MCPH1: variants seen among roughly 807,000 people sequenced by gnomAD.
MCPH1 encodes the protein microcephalin 1.
Under a neutral mutation model 84.5 loss-of-function variants are expected in MCPH1, and 104 were observed. The ratio of observed to expected loss-of-function variants is 1.23; its 90% CI spans 1.05 to 1.45. The LOEUF is 1.45. MCPH1 is among the 40% of genes most tolerant of loss of function. The pLI is 0.00. For missense variants in MCPH1, 1,498 were observed against 1,005.7 expected (o/e 1.49, Z -6.62); for synonymous variants, 514 against 366.8 (o/e 1.40, Z -4.58).
intron 3 of MCPH1, among the ~76,000 whole-genome samples, chr8:6,421,936 G>T (rs1276498334): frequency 1.3e-5 from 2 of 152,156 alleles, no homozygotes. Context: ...CCGTCTTCCT[G>T]ATTCTAAACC....
At chr8:6,548,086 G>C (rs1822932762) in intron 12 of MCPH1, among the ~76,000 whole-genome samples, 2 of 152,102 alleles carry the variant, frequency 1.3e-5, no homozygotes, top group African/African-American at 2.4e-5. Context: ...ATCCCCCCTA[G>C]CGGAAGAACC....
At chr8:6,501,145 A>T (rs1439019283) in intron 12 of MCPH1, 1 of 152,228 alleles carries the variant, frequency 6.6e-6, no homozygotes, top group Non-Finnish European at 1.5e-5. Flanking sequence ...TAGTTGTTGG[A>T]AAAGTGCACC....
chr8:6,592,309 A>G (rs1482714037), intron 12 of MCPH1, among the ~76,000 whole-genome samples: 1 of 151,890 alleles, frequency 6.6e-6, no homozygotes, highest in Non-Finnish European at 1.5e-5. Context: ...GTGCCACCAC[A>G]CCCGGCTAAT....
chr8:6,449,998 G>A (rs1163993444), intron 8 of MCPH1, among the ~76,000 whole-genome samples: 1 of 12,482 alleles, frequency 8.0e-5, no homozygotes, highest in African/African-American at 8.5e-5. Context: ...AAGCAGAAAA[G>A]TCCTTCCTAT....
chr8:6,470,369 C>A (rs1032698657), intron 9 of MCPH1, among the ~76,000 whole-genome samples: 1 of 152,050 alleles, frequency 6.6e-6, no homozygotes, highest in Non-Finnish European at 1.5e-5. Context: ...CTGCAACTTC[C>A]GTCTCCCGGG....
intron 2 of MCPH1, 73 bp from the exon 3 acceptor site, chr8:6,414,692 G>A: frequency 1.3e-6 from 2 of 1,545,068 alleles, no homozygotes; most frequent in East Asian, 2.3e-5. Context: ...TGGGGTAGAG[G>A]TTTTTTGATC....
chr8:6,605,981 G>A (rs536033742), intron 12 of MCPH1, among the ~76,000 whole-genome samples: 100 of 152,304 alleles, frequency 6.6e-4, no homozygotes, highest in African/African-American at 2.2e-3. Flanking sequence ...ACAGGCATGA[G>A]CCACCATGCC....
chr8:6,562,384 A>C (rs1237250263), intron 12 of MCPH1, among the ~76,000 whole-genome samples: 1 of 151,998 alleles, frequency 6.6e-6, no homozygotes, highest in Non-Finnish European at 1.5e-5. Context: ...CTTGTTAATA[A>C]AGATTTCTAA....
At chr8:6,568,782 C>G (rs944041068) in intron 12 of MCPH1, among the ~76,000 whole-genome samples, 1 of 152,250 alleles carries the variant, frequency 6.6e-6, no homozygotes, top group Admixed American at 6.5e-5. Context: ...CTCAGCACGG[C>G]CTGCCCGGCT....
At chr8:6,636,632 C>G (rs549905444) in intron 13 of MCPH1, among the ~76,000 whole-genome samples, 6 of 152,134 alleles carry the variant, frequency 3.9e-5, no homozygotes, top group Non-Finnish European at 7.3e-5. Context: ...GTCATGCTGT[C>G]GCACCTGGCA....
chr8:6,518,426 C>T (rs932802403), intron 12 of MCPH1, among the ~76,000 whole-genome samples: 1 of 152,126 alleles, frequency 6.6e-6, no homozygotes, highest in African/African-American at 2.4e-5. Context: ...TGTTGTATGG[C>T]TTCTAGGGCG....
rs1420689007 is a variant in MCPH1, at chr8:6,406,694, G to C, written c.22+5G>C. 2.5e-6 allele frequency: 4 copies of C among 1,612,124 alleles called. No homozygotes were observed. Among genetic ancestry groups the C allele is most frequent in the Non-Finnish European group, 3.4e-6 (4 of 1,179,526 alleles). Reference sequence around the variant, plus strand: ...TGGCGGCCCCCATCCTGAAAGGTGAGGTACTTCCTGCTGCCTGCTCCAGCA... The same window carrying C: ...TGGCGGCCCCCATCCTGAAAGGTGACGTACTTCCTGCTGCCTGCTCCAGCA... On this transcript the variant is annotated splice_donor_5th_base_variant and intron_variant, in intron 1 of 13. Transcript: ENST00000344683.
At chr8:6,553,117 A>G (rs1823954953) in intron 12 of MCPH1, among the ~76,000 whole-genome samples, 1 of 152,102 alleles carries the variant, frequency 6.6e-6, no homozygotes, top group South Asian at 2.1e-4. Context: ...ATGATGGGTC[A>G]ATGTAGATTC....
At chr8:6,619,290 A>ATACTT (rs759295213) in intron 12 of MCPH1, 1 of 152,206 alleles carries the variant, frequency 6.6e-6, no homozygotes, top group African/African-American at 2.4e-5. Flanking sequence ...CAACAATCAA[A>ATACTT]TACTTTATTT....
At chr8:6,414,729 G>C in intron 2 of MCPH1, 36 bp from the exon 3 acceptor site, 2 of 1,608,952 alleles carry the variant, frequency 1.2e-6, no homozygotes, top group Non-Finnish European at 1.7e-6. Context: ...TGAATGAACA[G>C]TAATGTACAT....
In MCPH1 at chr8:6,633,873, G is replaced by T. The variant is rs1367116817; in HGVS notation, c.2453-9121G>T. Among the ~76,000 whole-genome samples the T allele has an allele frequency of 2.6e-5, 4 of 152,146 alleles. No homozygotes were observed. In the East Asian group the frequency reaches 7.7e-4, roughly 29 times the overall value. ...AAAAGGCCTGCAGATCCCCCTATGT[G>T]TAACAGTGATCAGAAAAAGAGGAAT... On this transcript the variant is annotated intron_variant, in intron 13 of 13. Coordinates refer to ENST00000344683, the MANE Select transcript of MCPH1 (RefSeq NM_024596.5).
At position 6,605,747 on chromosome 8, in the gene MCPH1, G is replaced by C. The variant is rs898113853; in HGVS notation, c.2215-15707G>C. 6.6e-5 allele frequency among the ~76,000 whole-genome samples: 10 copies of C among 152,098 alleles called. No homozygotes were observed. In the South Asian group the frequency reaches 8.3e-4, roughly 13 times the overall value. ...GAGTCTCACTCTGTCACCCAGGCTG[G>C]AGTGCAGTGGCACGATCTCAGCTCA... On this transcript the variant is annotated intron_variant, in intron 12 of 13. Coordinates refer to ENST00000344683, the MANE Select transcript of MCPH1 (RefSeq NM_024596.5).
At chr8:6,560,687 A>G (rs570823506) in intron 12 of MCPH1, among the ~76,000 whole-genome samples, 1 of 152,348 alleles carries the variant, frequency 6.6e-6, no homozygotes, top group Admixed American at 6.5e-5. Context: ...CTGCTGTTCA[A>G]ATATTGACTA....
intron 11 of MCPH1, among the ~76,000 whole-genome samples, chr8:6,489,345 G>A (rs1056454371): frequency 5.9e-5 from 9 of 152,046 alleles, no homozygotes; most frequent in Non-Finnish European, 1.2e-4. Context: ...GGAACGGCTA[G>A]CTAGCAACCT....
Sources: gnomAD v4.1 joint callset for allele counts (sites outside exome capture counted in the v4.1 genomes callset) on GRCh38, gnomAD v4.1.1 for gene constraint, MANE v1.5 for transcripts, NCBI Gene and HGNC (gene_info 2026-07-23, HGNC 2026-07-21) for gene names.